The following ZNF438 variants were observed in gnomAD, a reference collection of about 807,000 sequenced individuals.
ZNF438 encodes the protein zinc finger protein 438.
A neutral mutation model predicts 38.0 loss-of-function variants in ZNF438; 25 were observed. The observed-to-expected ratio is 0.66, with a 90% CI of 0.48 to 0.92. The LOEUF is 0.92. Among genes scored for constraint, ZNF438 ranks in the 40% least tolerant of loss-of-function variants. The pLI, the probability that ZNF438 is intolerant of heterozygous loss-of-function variation, is 0.00. For synonymous variants in ZNF438, 372 were observed against 364.1 expected, an observed-to-expected ratio of 1.02 and a Z score of -0.25; for missense variants, 1,007 against 999.6, an observed-to-expected ratio of 1.01 and a Z score of -0.10.
chr10:31,024,623 G>A (rs1012578878), intron 1 of ZNF438, among the ~76,000 whole-genome samples: 5 of 150,456 alleles, frequency 3.3e-5, no homozygotes, highest in African/African-American at 4.9e-5. Flanking sequence ...GCGAGACTCT[G>A]TCTCAAAAAA....
At chr10:30,871,663 T>A (rs549963240) in intron 4 of ZNF438, among the ~76,000 whole-genome samples, 28 of 152,370 alleles carry the variant, frequency 1.8e-4, no homozygotes, top group African/African-American at 6.5e-4. Context: ...TATACACTTT[T>A]ATGTCTGCAA....
chr10:30,927,777 A>T (rs1335825577), intron 2 of ZNF438, among the ~76,000 whole-genome samples: 2 of 152,232 alleles, frequency 1.3e-5, no homozygotes, highest in African/African-American at 4.8e-5. Flanking sequence ...TGGATAAATC[A>T]TGACTTCTCA....
At chr10:31,007,276 G>GTTTTTTTTTT (rs60434764) in intron 1 of ZNF438, among the ~76,000 whole-genome samples, 1 of 112,390 alleles carries the variant, frequency 8.9e-6, no homozygotes. Flanking sequence ...TTTTTTTGGT[G>GTTTTTTTTTT]TTTTTTTTTT....
Position 30,923,659 on chromosome 10 carries a change from T to C in ZNF438, c.-114-14644A>G, listed in dbSNP as rs193077197. Among the ~76,000 whole-genome samples, 13 of 152,354 alleles carry C rather than the reference T, an allele frequency of 8.5e-5. No homozygotes were observed. In the East Asian group the frequency reaches 2.1e-3, roughly 25 times the overall value. On this transcript the variant is annotated intron_variant, in intron 2 of 5. Coordinates refer to ENST00000413025, the Ensembl canonical transcript of ZNF438. The stretch of plus-strand genomic sequence containing the variant: ...GGTGGATCTGTTTGTAAATTTTCTA[T>C]TATTTTCATCTGCCAATTTGTATAT...
intron 4 of ZNF438, among the ~76,000 whole-genome samples, chr10:30,857,258 C>CTTTT (rs10682942): frequency 9.6e-5 from 13 of 135,902 alleles, no homozygotes; most frequent in South Asian, 4.6e-4. Flanking sequence ...TCTAAAATTT[C>CTTTT]TTTTTTTTTT....
intron 4 of ZNF438, among the ~76,000 whole-genome samples, chr10:30,860,649 A>C (rs994463): frequency 0.77 from 117,951 of 152,216 alleles, 46,492 homozygotes; most frequent in African/African-American, 0.89. Context: ...CCTGTCCAGA[A>C]CCCACTCCCA....
exon 5 of ZNF438, chr10:30,850,165 A>G (rs756217840): frequency 1.2e-6 from 2 of 1,614,160 alleles, no homozygotes; most frequent in Non-Finnish European, 1.7e-6. Context: ...GCATCAGGGC[A>G]TAGTTCTGGG....
intron 3 of ZNF438, among the ~76,000 whole-genome samples, chr10:30,906,595 A>C (rs1305737304): frequency 1.3e-5 from 2 of 152,198 alleles, no homozygotes. Context: ...TAGAACCTCC[A>C]GTACAAAGTT....
intron 3 of ZNF438, among the ~76,000 whole-genome samples, chr10:30,898,871 C>T (rs1202002087): frequency 2.0e-5 from 3 of 152,086 alleles, no homozygotes; most frequent in African/African-American, 4.8e-5. Flanking sequence ...GGACACCATA[C>T]GTAATTTCCT....
chr10:30,873,057 G>C (rs1397740701), intron 4 of ZNF438, among the ~76,000 whole-genome samples: 1 of 152,164 alleles, frequency 6.6e-6, no homozygotes, highest in Non-Finnish European at 1.5e-5. Context: ...TCAGTGTGGT[G>C]ACTTTGTCTT....
chr10:30,950,511 TAAAG>T (rs1322293831), intron 1 of ZNF438, among the ~76,000 whole-genome samples: 1 of 149,546 alleles, frequency 6.7e-6, no homozygotes, highest in Non-Finnish European at 1.5e-5. Flanking sequence ...GCAAGACTAA[TAAAG>T]AAAAAAAGAG....
intron 1 of ZNF438, among the ~76,000 whole-genome samples, chr10:31,024,614 C>T (rs559206569): frequency 6.6e-6 from 1 of 150,760 alleles, no homozygotes; most frequent in African/African-American, 2.4e-5. Flanking sequence ...AGCGACAGAG[C>T]GAGACTCTGT....
At chr10:30,948,082 TCCCTGAC>T (rs1472657057) in intron 1 of ZNF438, among the ~76,000 whole-genome samples, 3 of 152,004 alleles carry the variant, frequency 2.0e-5, no homozygotes, top group Non-Finnish European at 4.4e-5. Context: ...CTCAAGTGGG[TCCCTGAC>T]CCCTGACCCC....
intron 2 of ZNF438, among the ~76,000 whole-genome samples, chr10:30,933,211 T>G (rs1285775913): frequency 6.6e-6 from 1 of 152,106 alleles, no homozygotes; most frequent in Non-Finnish European, 1.5e-5. Context: ...TCCTCTAAAT[T>G]CTGTTCAAAG....
At chr10:30,872,749 C>CA (rs10633045) in intron 4 of ZNF438, among the ~76,000 whole-genome samples, 20,374 of 88,656 alleles carry the variant, frequency 0.23, 2,396 homozygotes, top group African/African-American at 0.3. Flanking sequence ...GACTCTGTCT[C>CA]AAAAAAAAAA....
chr10:30,946,770 C>G (rs1033850967), intron 1 of ZNF438, among the ~76,000 whole-genome samples: 1 of 152,052 alleles, frequency 6.6e-6, no homozygotes, highest in African/African-American at 2.4e-5. Flanking sequence ...TTTCCTATTT[C>G]TCCCAATCTG....
intron 4 of ZNF438, among the ~76,000 whole-genome samples, chr10:30,876,463 G>A (rs985119897): frequency 6.6e-6 from 1 of 152,136 alleles, no homozygotes; most frequent in African/African-American, 2.4e-5. Context: ...GTCCAGAAGT[G>A]CCTGTTAAAA....
chr10:31,032,328 C>T (rs1382408369), upstream of ZNF438, among the ~76,000 whole-genome samples: 13 of 152,174 alleles, frequency 8.5e-5, no homozygotes, highest in African/African-American at 2.9e-4. Flanking sequence ...CAGGTGCTGG[C>T]GGGTCCTCAG....
intron 2 of ZNF438, among the ~76,000 whole-genome samples, chr10:30,910,681 G>C (rs1262757242): frequency 5.1e-5 from 3 of 59,404 alleles, no homozygotes; most frequent in African/African-American, 1.2e-4. Flanking sequence ...TTGTATATTG[G>C]CCAAAAAAAA....
Sources: allele counts gnomAD v4.1 joint callset (sites outside exome capture counted in the v4.1 genomes callset), GRCh38; gene constraint gnomAD v4.1.1; transcripts MANE v1.5; gene names NCBI Gene and HGNC (gene_info 2026-07-23, HGNC 2026-07-21).